Variants in LMO2 observed in about 807,000 individuals in gnomAD.
LMO2 encodes LIM domain only 2, also known as rhombotin-2.
Under a neutral mutation model 23.2 loss-of-function variants are expected in LMO2, and 20 were observed. The ratio of observed to expected loss-of-function variants is 0.86; its 90% CI spans 0.61 to 1.25. The LOEUF is 1.25. LMO2 is among the 50% of genes most tolerant of loss of function. The pLI is 0.00. For missense variants in LMO2, 270 were observed against 315.3 expected, an observed-to-expected ratio of 0.86 and a Z score of 1.09; for synonymous variants, 123 against 130.2, an observed-to-expected ratio of 0.94 and a Z score of 0.38.
chr11:33,873,892 A>G (rs1293326762), intron 2 of LMO2, among the ~76,000 whole-genome samples: 1 of 152,216 alleles, frequency 6.6e-6, no homozygotes, highest in Non-Finnish European at 1.5e-5. Context: ...CTAAGGTTAC[A>G]TTCCTTTGCT....
chr11:33,891,346 A>AACACACACACAC lies in LMO2; in HGVS notation c.-336+437_-336+448dup, dbSNP rs57617009. The stretch of plus-strand genomic sequence containing the variant: ...CGTCATTGCCTAAGGTTGTTAGGCA[A>AACACACACACAC]ACACACACACACACACACACACACA... On this transcript the variant is annotated intron_variant, in intron 1 of 5. Transcript: ENST00000257818. Among the ~76,000 whole-genome samples the AACACACACACAC allele has an allele frequency of 5.5e-3, 688 of 125,002 alleles. 4 individuals are homozygous for AACACACACACAC. Among genetic ancestry groups the AACACACACACAC allele is most frequent in the Middle Eastern group, 0.02 (5 of 254 alleles). The allele number at this position is 125,002 out of a possible 152,430, so 82.0% of individuals were successfully genotyped here.
chr11:33,877,002 C>CA (rs879416890), intron 2 of LMO2, among the ~76,000 whole-genome samples: 1 of 152,232 alleles, frequency 6.6e-6, no homozygotes, highest in Non-Finnish European at 1.5e-5. Flanking sequence ...AAGAGAACCT[C>CA]AGAGGACAAT....
chr11:33,863,548 T>C (rs1318999433), intron 5 of LMO2, among the ~76,000 whole-genome samples: 1 of 152,196 alleles, frequency 6.6e-6, no homozygotes, highest in Non-Finnish European at 1.5e-5. Context: ...GGAAGCATGC[T>C]TCACAGACCC....
chr11:33,878,145 T>C (rs1386020424), intron 2 of LMO2, among the ~76,000 whole-genome samples: 1 of 122,232 alleles, frequency 8.2e-6, no homozygotes, highest in Non-Finnish European at 1.6e-5. Flanking sequence ...TCTGTCATTC[T>C]AGCAGGTCGA....
At chr11:33,870,917 C>T (rs1272490362) in intron 2 of LMO2, 2 of 291,820 alleles carry the variant, frequency 6.9e-6, no homozygotes, top group Non-Finnish European at 1.0e-5. Flanking sequence ...AGTAGTTTGC[C>T]CTTCCGTGGA....
chr11:33,888,176 T>C (rs1208729089), intron 1 of LMO2, among the ~76,000 whole-genome samples: 1 of 152,224 alleles, frequency 6.6e-6, no homozygotes, highest in Non-Finnish European at 1.5e-5. Context: ...GCACTTGCTC[T>C]ATGCATACTC....
At position 33,864,874 on chromosome 11, in the gene LMO2, G is replaced by T. The variant is rs1444633659; in HGVS notation, c.249-57C>A. ...TCACCAGAGTGAGACCAGCACCGAG[G>T]GTCCGAGATCGTTTTGGGCCAGACA... On this transcript the variant is annotated intron_variant, in intron 4 of 5. Coordinates refer to ENST00000257818, the MANE Select transcript of LMO2 (RefSeq NM_005574.4). This position sits in a 1 kb window ranked among gnomAD's most constrained non-coding sequence, Gnocchi z 4.8. The T allele has an allele frequency of 6.5e-7, 1 of 1,534,960 alleles. No homozygotes were observed. The highest frequency in any genetic ancestry group is 9.0e-7 in the Non-Finnish European group (1 of 1,115,764).
At position 33,859,154 on chromosome 11, in the gene LMO2, G is replaced by C. The variant is rs1339053803; in HGVS notation, c.*202C>G. 2 of 552,220 alleles carry C rather than the reference G, an allele frequency of 3.6e-6. No homozygotes were observed. The highest frequency in any genetic ancestry group is 6.5e-6 in the Non-Finnish European group (2 of 305,542). The allele number at this position is 552,220 out of a possible 1,614,324, so 34.2% of individuals were successfully genotyped here. On this transcript the variant is annotated 3_prime_UTR_variant, in exon 6 of 6. Transcript: ENST00000257818. ...GCCATAAGTTCTCCCTCAAGGGCTG[G>C]TCCTTCTGTCACCTTGAAGTGTCAG...
chr11:33,872,312 A>G (rs751199942), intron 2 of LMO2, among the ~76,000 whole-genome samples: 14 of 152,198 alleles, frequency 9.2e-5, no homozygotes, highest in Non-Finnish European at 1.5e-4. Flanking sequence ...ACAAACAAAC[A>G]AATAAACTCC....
intron 4 of LMO2, among the ~76,000 whole-genome samples, chr11:33,868,007 C>T (rs962583390): frequency 6.6e-6 from 1 of 152,164 alleles, no homozygotes; most frequent in Admixed American, 6.6e-5. Flanking sequence ...TTTGCATAAA[C>T]ATACTTTTAA....
At chr11:33,867,681 T>C (rs963390641) in intron 4 of LMO2, among the ~76,000 whole-genome samples, 4 of 152,168 alleles carry the variant, frequency 2.6e-5, no homozygotes, top group African/African-American at 4.8e-5. Flanking sequence ...AATAGTGAAG[T>C]GAAGGAAGGA....
chr11:33,882,526 A>C (rs1857309917), intron 1 of LMO2, among the ~76,000 whole-genome samples: 1 of 152,124 alleles, frequency 6.6e-6, no homozygotes, highest in South Asian at 2.1e-4. Flanking sequence ...TTGAAAATTT[A>C]TTTTTCAAGA....
intron 2 of LMO2, among the ~76,000 whole-genome samples, chr11:33,877,465 T>G (rs1180229366): frequency 6.9e-6 from 1 of 144,648 alleles, no homozygotes. Context: ...CAGATTCTTT[T>G]TTTTTTTTTT....
At chr11:33,884,841 G>C (rs1027448355) in intron 1 of LMO2, among the ~76,000 whole-genome samples, 16 of 152,230 alleles carry the variant, frequency 1.1e-4, no homozygotes, top group African/African-American at 3.6e-4. Context: ...TCTGGAGCTA[G>C]TCTCTTATCT....
intron 2 of LMO2, chr11:33,870,268 G>T: frequency 1.3e-6 from 1 of 798,632 alleles, no homozygotes; most frequent in Non-Finnish European, 1.5e-6. Flanking sequence ...TTCCCTTTTG[G>T]TTTAACTAAG....
Position 33,864,721 on chromosome 11 carries a change from G to C in LMO2, c.345C>G (p.Ile115Met). 6.2e-7 allele frequency: 1 copy of C among 1,614,064 alleles called. No individual in the cohort carries two copies. Among genetic ancestry groups the C allele is most frequent in the Non-Finnish European group, 8.5e-7 (1 of 1,180,020 alleles). ...GGCAGTCCTCGTGCCAGTACTGGTC[G>C]ATGGCCTTCAGGAAGTAGCGGTCCC... ...NIGDRYFLKAIDQYWHEDCLS... is the reference protein window; with the variant it reads ...NIGDRYFLKAMDQYWHEDCLS... The change falls in exon 5 of 6, where the codon ATC becomes ATG. Residue 115 changes from isoleucine to methionine, a missense_variant. Coordinates refer to ENST00000257818, the MANE Select transcript of LMO2 (RefSeq NM_005574.4). The surrounding 1 kb of genome is among the most constrained non-coding windows in gnomAD (Gnocchi z 4.8).
intron 2 of LMO2, among the ~76,000 whole-genome samples, chr11:33,870,803 C>G (rs1212687564): frequency 6.6e-6 from 1 of 152,184 alleles, no homozygotes; most frequent in Admixed American, 6.5e-5. Context: ...TGCCCTGGGT[C>G]AGGCACAGAG....
chr11:33,880,252 G>GATATATATATCATATATACACATGAT lies in LMO2; in HGVS notation c.-272+1571_-272+1572insATCATGTGTATATATGATATATATAT, dbSNP rs1857244001. The stretch of plus-strand genomic sequence containing the variant: ...TGATATATATATCATATATACACAT[G>GATATATATATCATATATACACATGAT]ATATATATATCATACATACACATGA... On this transcript the variant is annotated intron_variant, in intron 2 of 5. Transcript: ENST00000257818. The surrounding 1 kb of genome is among the most constrained non-coding windows in gnomAD (Gnocchi z 4.3). 4.6e-5 allele frequency among the ~76,000 whole-genome samples: 2 copies of GATATATATATCATATATACACATGAT among 43,920 alleles called. No homozygotes were observed. The highest frequency in any genetic ancestry group is 1.3e-4 in the African/African-American group (2 of 15,474). 28.8% of individuals were successfully genotyped at this position (43,920 alleles called of 152,430 possible).
intron 5 of LMO2, among the ~76,000 whole-genome samples, chr11:33,859,812 C>G (rs147900882): frequency 1.3e-5 from 2 of 152,286 alleles, no homozygotes; most frequent in Non-Finnish European, 2.9e-5. Context: ...CTCTCCTTGT[C>G]TGCAGCAACC....
Sources: gnomAD v4.1 joint callset for allele counts (sites outside exome capture counted in the v4.1 genomes callset) on GRCh38, gnomAD v4.1.1 for gene constraint, Gnocchi (gnomAD v3.1) non-coding constraint, MANE v1.5 for transcripts, NCBI Gene and HGNC (gene_info 2026-07-23, HGNC 2026-07-21) for gene names.